Variants in DMD observed in about 807,000 individuals in gnomAD.
DMD encodes the protein mutant dystrophin.
Under a neutral mutation model 330.1 loss-of-function variants are expected in DMD, and 63 were observed. That is an observed-to-expected ratio of 0.19 (90% CI 0.16 to 0.24). DMD has a LOEUF of 0.24. Ranked by LOEUF, DMD falls within the 10% of genes least tolerant of loss-of-function variation. The pLI, the probability that DMD is intolerant of heterozygous loss-of-function variation, is 1.00. For missense variants in DMD, 3,344 were observed against 2,684.1 expected, an observed-to-expected ratio of 1.25 and a Z score of -5.43; for synonymous variants, 1,223 against 959.8, an observed-to-expected ratio of 1.27 and a Z score of -5.07.
At chrX:32,929,357 C>T (rs750014903) in intron 2 of DMD, among the ~76,000 whole-genome samples, 20 of 110,612 alleles carry the variant, frequency 1.8e-4, no homozygotes, top group Non-Finnish European at 7.6e-5. Flanking sequence ...CCCTTCCGTT[C>T]TACGTTTTTT....
At chrX:33,246,665 G>T (rs758593617) in intron 1 of DMD, among the ~76,000 whole-genome samples, 15 of 109,491 alleles carry the variant, frequency 1.4e-4, no homozygotes, top group South Asian at 3.9e-4. Context: ...TTCATTTTTG[G>T]TTTTTTTTGC....
intron 36 of DMD, among the ~76,000 whole-genome samples, chrX:32,363,191 T>G: frequency 8.9e-6 from 1 of 111,820 alleles, no homozygotes; most frequent in Non-Finnish European, 1.9e-5. Context: ...GAAAAATAGA[T>G]CACCGTCCTT....
At chrX:33,001,969 T>C (rs1396884330) in intron 2 of DMD, among the ~76,000 whole-genome samples, 1 of 111,677 alleles carries the variant, frequency 9.0e-6, no homozygotes, top group African/African-American at 3.2e-5. Context: ...AATTTTACTA[T>C]AGAAAATTGT....
chrX:32,435,298 T>TATATATATATATATATATA (rs1158324376), intron 29 of DMD, among the ~76,000 whole-genome samples: 13 of 61,661 alleles, frequency 2.1e-4, no homozygotes, highest in East Asian at 1.3e-3. Flanking sequence ...ATATATATAT[T>TATATATATATATATATATA]TACACCCATA....
At chrX:32,871,291 C>G (rs2082977219) in intron 2 of DMD, among the ~76,000 whole-genome samples, 1 of 111,216 alleles carries the variant, frequency 9.0e-6, no homozygotes, top group African/African-American at 3.3e-5. Context: ...ATAACAAACT[C>G]TCCTTACTTA....
intron 63 of DMD, among the ~76,000 whole-genome samples, chrX:31,237,320 C>T (rs762309885): frequency 1.8e-5 from 2 of 112,066 alleles, no homozygotes; most frequent in South Asian, 3.8e-4. Context: ...GTAAACTATG[C>T]GTATCTCTGC....
intron 1 of DMD, among the ~76,000 whole-genome samples, chrX:33,096,056 C>G (rs929338468): frequency 5.6e-4 from 53 of 95,176 alleles, no homozygotes; most frequent in African/African-American, 1.6e-3. Flanking sequence ...CTCACTGCAA[C>G]CTCCGCCTCT....
chrX:32,905,077 T>A (rs758792212), intron 2 of DMD, among the ~76,000 whole-genome samples: 9 of 112,457 alleles, frequency 8.0e-5, no homozygotes, highest in Non-Finnish European at 1.7e-4. Context: ...CAATCTTACT[T>A]AAAATTGTTT....
intron 47 of DMD, among the ~76,000 whole-genome samples, chrX:31,917,325 C>A (rs766100042): frequency 2.7e-5 from 3 of 112,064 alleles, no homozygotes; most frequent in Non-Finnish European, 5.6e-5. Context: ...AATTGATAAA[C>A]AAGAATTAAG....
intron 62 of DMD, among the ~76,000 whole-genome samples, chrX:31,266,159 CAAAA>C (rs1174153877): frequency 6.0e-4 from 8 of 13,329 alleles, no homozygotes; most frequent in African/African-American, 1.9e-3. Context: ...TCCCGAAGGG[CAAAA>C]AAAAAAAAAA....
In DMD at chrX:32,545,248, C is replaced by T. The variant is rs761441684; in HGVS notation, c.2079G>A (p.Gln693=). The T allele has an allele frequency of 1.7e-6, 2 of 1,210,478 alleles. No homozygotes were observed. The highest frequency in any genetic ancestry group is 2.2e-6 in the Non-Finnish European group (2 of 894,371). ...CCTCTTGAGCATGCTTTACCAGGAT[C>T]TGTTCCCTTGTGGTCACCGTAGTTA... ...ETVTTVTTRE[Q]ILVKHAQEEL... The change falls in exon 17 of 79, where the codon CAG becomes CAA. Residue 693 remains glutamine, a synonymous_variant. Coordinates refer to ENST00000357033, the MANE Select transcript of DMD (RefSeq NM_004006.3).
At chrX:31,178,469 A>C (rs2040790767) in intron 70 of DMD, 200 bp downstream of exon 70, 3 of 959,759 alleles carry the variant, frequency 3.1e-6, no homozygotes, top group Non-Finnish European at 2.6e-6. Context: ...ATAAAGTTTA[A>C]CTTTTGGAAA....
chrX:32,109,899 G>A (rs1310922299), intron 44 of DMD, among the ~76,000 whole-genome samples: 1 of 110,874 alleles, frequency 9.0e-6, no homozygotes, highest in East Asian at 2.8e-4. Flanking sequence ...TCCTAAATGC[G>A]AGCCGACTAA....
chrX:31,239,955 C>G (rs2048088382), intron 63 of DMD, among the ~76,000 whole-genome samples: 1 of 111,885 alleles, frequency 8.9e-6, no homozygotes, highest in African/African-American at 3.2e-5. Flanking sequence ...AGGACATCCT[C>G]TCTGTACTTC....
intron 48 of DMD, among the ~76,000 whole-genome samples, chrX:31,864,484 C>A (rs1226722847): frequency 1.0e-3 from 57 of 55,473 alleles, no homozygotes; most frequent in African/African-American, 6.8e-3. Flanking sequence ...ATTTTGAAGG[C>A]CTTTTTTTTT....
chrX:31,307,693 G>A (rs2055150247), intron 62 of DMD, among the ~76,000 whole-genome samples: 1 of 112,008 alleles, frequency 8.9e-6, no homozygotes, highest in Admixed American at 9.5e-5. Context: ...TATGTGTCTG[G>A]TAATGATATC....
intron 1 of DMD, among the ~76,000 whole-genome samples, chrX:33,337,202 A>G (rs2054267997): frequency 8.9e-6 from 1 of 111,867 alleles, no homozygotes; most frequent in African/African-American, 3.2e-5. Flanking sequence ...GGAAGCTCAC[A>G]TTTTTTCGAA....
intron 21 of DMD, among the ~76,000 whole-genome samples, chrX:32,477,423 G>A (rs910299578): frequency 1.8e-5 from 2 of 110,736 alleles, no homozygotes; most frequent in Non-Finnish European, 3.8e-5. Context: ...GAAGTTTTCT[G>A]CACCTTTTGT....
chrX:32,955,243 G>T (rs184693969), intron 2 of DMD, among the ~76,000 whole-genome samples: 3 of 111,968 alleles, frequency 2.7e-5, no homozygotes, highest in African/African-American at 9.7e-5. Context: ...CCTGACTGGT[G>T]TGAGATGGTA....
Sources: allele counts gnomAD v4.1 joint callset (sites outside exome capture counted in the v4.1 genomes callset), GRCh38; gene constraint gnomAD v4.1.1; transcripts MANE v1.5; gene names NCBI Gene and HGNC (gene_info 2026-07-23, HGNC 2026-07-21).